Variants in RGL1 observed in about 807,000 individuals in gnomAD.
RGL1 encodes ral guanine nucleotide dissociation stimulator-like 1.
A neutral mutation model predicts 95.2 loss-of-function variants in RGL1; 24 were observed. That is an observed-to-expected ratio of 0.25 (90% confidence interval 0.18 to 0.35). The LOEUF (loss-of-function observed/expected upper bound fraction) is 0.35. Ranked by LOEUF, RGL1 falls within the 10% of genes least tolerant of loss-of-function variation. The probability of loss-of-function intolerance (pLI) is 1.00; values close to 1 mark genes in which losing one functional copy is unlikely to be tolerated. For missense variants in RGL1, 715 were observed against 936.3 expected, an observed-to-expected ratio of 0.76 and a Z score of 3.08; for synonymous variants, 329 against 344.9, an observed-to-expected ratio of 0.95 and a Z score of 0.51.
At chr1:183,745,415 G>A (rs940716771) in intron 2 of RGL1, among the ~76,000 whole-genome samples, 16 of 152,050 alleles carry the variant, frequency 1.1e-4, no homozygotes, top group Non-Finnish European at 1.5e-4. Flanking sequence ...ACCTCATGAT[G>A]ATAAAGATAC....
At chr1:183,708,317 C>A (rs755669297) in intron 1 of RGL1, among the ~76,000 whole-genome samples, 1 of 152,112 alleles carries the variant, frequency 6.6e-6, no homozygotes, top group South Asian at 2.1e-4. Flanking sequence ...AAGGAGCGAT[C>A]GTCACTGCTG....
At chr1:183,818,175 A>T (rs1352398694) in intron 2 of RGL1, among the ~76,000 whole-genome samples, 1 of 152,144 alleles carries the variant, frequency 6.6e-6, no homozygotes, top group East Asian at 1.9e-4. Flanking sequence ...AATCACTATT[A>T]TGCTCTTGTT....
intron 2 of RGL1, among the ~76,000 whole-genome samples, chr1:183,753,019 T>C (rs1289901877): frequency 6.6e-6 from 1 of 152,212 alleles, no homozygotes; most frequent in Non-Finnish European, 1.5e-5. Flanking sequence ...AATAGATGAA[T>C]TGATGTCTTT....
chr1:183,664,091 T>A (rs1406910757), intron 1 of RGL1, among the ~76,000 whole-genome samples: 5 of 148,640 alleles, frequency 3.4e-5, no homozygotes, highest in Middle Eastern at 3.4e-3. Flanking sequence ...GAGGGATAGC[T>A]TTAGGAGATA....
At chr1:183,692,760 G>A (rs887582576) in intron 1 of RGL1, among the ~76,000 whole-genome samples, 2 of 152,080 alleles carry the variant, frequency 1.3e-5, no homozygotes, top group African/African-American at 4.8e-5. Flanking sequence ...TTGCAGCTAG[G>A]GTGGGAGCAG....
chr1:183,782,375 A>G (rs1349839100), intron 2 of RGL1, among the ~76,000 whole-genome samples: 1 of 152,238 alleles, frequency 6.6e-6, no homozygotes, highest in Non-Finnish European at 1.5e-5. Context: ...TGCGTTCATC[A>G]GGGAAATGGA....
intron 3 of RGL1, among the ~76,000 whole-genome samples, chr1:183,851,513 T>C (rs2102549924): frequency 6.6e-6 from 1 of 152,276 alleles, no homozygotes; most frequent in East Asian, 1.9e-4. Context: ...AAATTACATA[T>C]CCATAAGACC....
At chr1:183,850,734 A>G (rs1428967908) in intron 3 of RGL1, among the ~76,000 whole-genome samples, 1 of 152,236 alleles carries the variant, frequency 6.6e-6, no homozygotes, top group Non-Finnish European at 1.5e-5. Context: ...ACCTGTAAGT[A>G]GAAATTGAAA....
chr1:183,915,717 C>T (rs1325393038), intron 15 of RGL1, among the ~76,000 whole-genome samples: 1 of 152,230 alleles, frequency 6.6e-6, no homozygotes, highest in East Asian at 1.9e-4. Context: ...ATAAGCCTCA[C>T]AGTACTAAAC....
intron 2 of RGL1, among the ~76,000 whole-genome samples, chr1:183,842,330 G>A (rs1443745767): frequency 2.4e-5 from 2 of 82,960 alleles, no homozygotes; most frequent in African/African-American, 4.6e-5. Flanking sequence ...TGATTGAAGG[G>A]ACTTTTTTTT....
At chr1:183,920,597 T>C (rs2102755752) in intron 16 of RGL1, among the ~76,000 whole-genome samples, 1 of 152,336 alleles carries the variant, frequency 6.6e-6, no homozygotes, top group South Asian at 2.1e-4. Flanking sequence ...AGCCTGGCTG[T>C]CTCATATGAC....
At chr1:183,859,878 C>T (rs1044870246) in intron 3 of RGL1, among the ~76,000 whole-genome samples, 1 of 152,174 alleles carries the variant, frequency 6.6e-6, no homozygotes, top group African/African-American at 2.4e-5. Flanking sequence ...ACCCAGTTCT[C>T]AGGTCAGACT....
chr1:183,893,574 C>A (rs906212513), intron 9 of RGL1, among the ~76,000 whole-genome samples: 2 of 152,108 alleles, frequency 1.3e-5, no homozygotes, highest in African/African-American at 4.8e-5. Context: ...GAAAAGGCAT[C>A]CAGGTGCTAA....
chr1:183,849,459 C>G (rs1664669792), intron 3 of RGL1, among the ~76,000 whole-genome samples: 2 of 141,894 alleles, frequency 1.4e-5, no homozygotes, highest in Non-Finnish European at 3.1e-5. Flanking sequence ...TATGGATAGA[C>G]ATTTAAGTTT....
In RGL1 at chr1:183,879,199, G is replaced by C. The variant is rs188916056; in HGVS notation, c.426-1417G>C. 1.3e-3 allele frequency among the ~76,000 whole-genome samples: 186 copies of C among 142,646 alleles called. 1 individual carries two copies. Among genetic ancestry groups the C allele is most frequent in the Admixed American group, 3.4e-3 (49 of 14,470 alleles). The allele number at this position is 142,646 out of a possible 152,430, so 93.6% of individuals were successfully genotyped here. ...CCAAATGCTTTAACGTTCCACATTAGTGAAACAATGATCTACACCATAATG... is the reference window on the plus strand; with the variant it reads ...CCAAATGCTTTAACGTTCCACATTACTGAAACAATGATCTACACCATAATG... On this transcript the variant is annotated intron_variant, in intron 4 of 17. Transcript: ENST00000360851.
chr1:183,855,988 C>T (rs1026158492), intron 3 of RGL1, among the ~76,000 whole-genome samples: 23 of 152,102 alleles, frequency 1.5e-4, no homozygotes, highest in Admixed American at 1.5e-3. Flanking sequence ...TTGTGCCTCC[C>T]CCAACCCACC....
chr1:183,890,239 A>T (rs1667340684), intron 8 of RGL1, among the ~76,000 whole-genome samples: 1 of 152,194 alleles, frequency 6.6e-6, no homozygotes, highest in South Asian at 2.1e-4. Context: ...TTGATGGTTG[A>T]AAAAAGAACA....
chr1:183,728,291 A>G (rs913070563), intron 1 of RGL1, among the ~76,000 whole-genome samples: 1 of 152,128 alleles, frequency 6.6e-6, no homozygotes, highest in Non-Finnish European at 1.5e-5. Flanking sequence ...GAAGTTCACC[A>G]TCAGCTCTCC....
intron 14 of RGL1, among the ~76,000 whole-genome samples, chr1:183,910,438 G>C (rs990350192): frequency 2.0e-5 from 3 of 152,190 alleles, no homozygotes; most frequent in African/African-American, 7.2e-5. Context: ...TGATATACCA[G>C]TTTAAGTGGG....
Sources: gnomAD v4.1 joint callset for allele counts (sites outside exome capture counted in the v4.1 genomes callset) on GRCh38, gnomAD v4.1.1 for gene constraint, MANE v1.5 for transcripts, NCBI Gene and HGNC (gene_info 2026-07-23, HGNC 2026-07-21) for gene names.